Variants in PRSS12 observed in about 807,000 individuals in gnomAD.
PRSS12 encodes serine protease 12.
In PRSS12, 85 loss-of-function variants were observed where a neutral mutation model predicts 104.4. The observed-to-expected ratio is 0.81, with a 90% CI of 0.68 to 0.98. The LOEUF (loss-of-function observed/expected upper bound fraction) is 0.98, where lower values mean the gene tolerates loss of function less well. Among genes scored for constraint, PRSS12 ranks in the 50% least tolerant of loss-of-function variants. The pLI is 0.00. For synonymous variants in PRSS12, 454 were observed against 425.2 expected, an observed-to-expected ratio of 1.07 and a Z score of -0.83; for missense variants, 1,141 against 1,139.2, an observed-to-expected ratio of 1.00 and a Z score of -0.02.
At position 118,293,386 on chromosome 4, in the gene PRSS12, G is replaced by T. The variant is rs114260106; in HGVS notation, c.2039+1553C>A. ...GAATATCTTCACCAAATGGGGCAAA[G>T]ATTTTTTAAATAAGAAATACAAAGC... is the stretch of plus-strand genomic sequence containing the variant. On this transcript the variant is annotated intron_variant, in intron 11 of 12. Coordinates refer to ENST00000296498, the MANE Select transcript of PRSS12 (RefSeq NM_003619.4). Among the ~76,000 whole-genome samples the T allele has an allele frequency of 8.1e-3, 1,231 of 152,098 alleles. 6 individuals carry two copies. The highest frequency in any genetic ancestry group is 0.014 in the Non-Finnish European group (935 of 67,960).
Position 118,298,923 on chromosome 4 carries a change from T to C in PRSS12, c.1647A>G (p.Ala549=). 6.2e-7 allele frequency: 1 copy of C among 1,614,196 alleles called. No individual in the cohort carries two copies. Among genetic ancestry groups the C allele is most frequent in the East Asian group, 2.2e-5 (1 of 44,878 alleles). Residue 549 remains alanine (A), a synonymous_variant, in exon 9 of 13, where the codon GCA becomes GCG. Coordinates refer to ENST00000296498, the MANE Select transcript of PRSS12 (RefSeq NM_003619.4). ...CTTCTCCAAAGTAAGCCATGGTTCTTGCTCTGGCAGGACCCCTGAAGACAG... is the reference window on the plus strand; with the variant it reads ...CTTCTCCAAAGTAAGCCATGGTTCTCGCTCTGGCAGGACCCCTGAAGACAG... The part of the protein sequence containing the change: ...RQLGYKGPAR[A]RTMAYFGEGK...
chr4:118,329,879 A>G lies in PRSS12; in HGVS notation c.971+1837T>C, dbSNP rs563682627. Among the ~76,000 whole-genome samples the G allele has an allele frequency of 7.8e-4, 118 of 152,230 alleles. 1 individual carries two copies. The highest frequency in any genetic ancestry group is 4.1e-4 in the Non-Finnish European group (28 of 68,044). On this transcript the variant is annotated intron_variant, in intron 4 of 12. Coordinates refer to ENST00000296498, the MANE Select transcript of PRSS12 (RefSeq NM_003619.4). ...ATCCAGAACACACGCCCATAATCAT[A>G]TGCTATGCTGACTCCAACAGCAGGC...
At position 118,315,428 on chromosome 4, in the gene PRSS12, T is replaced by C. The variant is rs3828501; in HGVS notation, c.1292+754A>G. ...TGAATGAAGCTATGTTTTTAAAGTGTAGTGAATATCTTCAGTCAGCTCTAA... is the reference window on the plus strand; with the variant it reads ...TGAATGAAGCTATGTTTTTAAAGTGCAGTGAATATCTTCAGTCAGCTCTAA... On this transcript the variant is annotated intron_variant, in intron 6 of 12. Coordinates refer to ENST00000296498, the MANE Select transcript of PRSS12 (RefSeq NM_003619.4). 5.3e-4 allele frequency among the ~76,000 whole-genome samples: 80 copies of C among 152,306 alleles called. No homozygotes were observed. In the East Asian group the frequency reaches 0.014, roughly 27 times the overall value.
chr4:118,348,734 C>T (rs1178559908), intron 1 of PRSS12, among the ~76,000 whole-genome samples: 1 of 152,040 alleles, frequency 6.6e-6, no homozygotes, highest in East Asian at 1.9e-4. Context: ...TCACTACAAC[C>T]TCTGCCTCCC....
rs949029105 is a variant in PRSS12, at chr4:118,282,867, C to T, written c.2284G>A (p.Ala762Thr). The change falls in exon 12 of 13, where the codon GCA (alanine) becomes ACA (threonine). Residue 762 changes from alanine to threonine, a missense_variant. Physicochemically the swap from Ala to Thr is moderately conservative, Grantham distance 58. Transcript: ENST00000296498. ...CATCCTGTTATGTAACAGTTGGATG[C>T]TGTTTTCTGTGGCCTCTCTCTCCAG... ...PLWRERPQKT[A>T]SNCYITGWGD... 6.2e-7 allele frequency: 1 copy of T among 1,614,088 alleles called. No homozygotes were observed. Among genetic ancestry groups the T allele is most frequent in the African/African-American group, 1.3e-5 (1 of 74,928 alleles).
intron 11 of PRSS12, among the ~76,000 whole-genome samples, chr4:118,287,511 C>T (rs899836316): frequency 2.6e-5 from 4 of 152,178 alleles, no homozygotes; most frequent in Admixed American, 2.0e-4. Flanking sequence ...CATGGAGTCT[C>T]ACACTCCTTT....
rs141716652 is a variant in PRSS12, at chr4:118,282,084, C to T, written c.2480G>A (p.Gly827Glu). The change falls in exon 13 of 13, where the codon GGA becomes GAA. Residue 827 changes from glycine (G) to glutamate (E), a missense_variant. Coordinates refer to ENST00000296498, the MANE Select transcript of PRSS12 (RefSeq NM_003619.4). ...RVDSCQGDSG[G>E]PLMCERPGES... Reference sequence around the variant, plus strand: ...TCCGGGCCGTTCACACATGAGTGGTCCTCCGCTGTCTCCCTGGCAGCTGTC... The same window carrying T: ...TCCGGGCCGTTCACACATGAGTGGTTCTCCGCTGTCTCCCTGGCAGCTGTC... 4 of 1,614,150 alleles carry T rather than the reference C, an allele frequency of 2.5e-6. No homozygotes were observed. The highest frequency in any genetic ancestry group is 2.7e-5 in the African/African-American group (2 of 75,014).
At chr4:118,303,760 C>T (rs1578911024) in intron 8 of PRSS12, 1 of 152,040 alleles carries the variant, frequency 6.6e-6, no homozygotes, top group Non-Finnish European at 1.5e-5. Flanking sequence ...TAAAAATAAT[C>T]TTGCTGCTAT....
chr4:118,305,101 T>TTA lies in PRSS12; in HGVS notation c.1631+3333_1631+3334dup, dbSNP rs35049135. On this transcript the variant is annotated intron_variant, in intron 8 of 12. Coordinates refer to ENST00000296498, the MANE Select transcript of PRSS12 (RefSeq NM_003619.4). ...CACTAGTCACATACCTGTTTATAAT[T>TTA]TATATATATATATATATATACACAC... 8.7e-3 allele frequency among the ~76,000 whole-genome samples: 1,275 copies of TTA among 146,822 alleles called. 15 individuals are homozygous for TTA. Among genetic ancestry groups the TTA allele is most frequent in the African/African-American group, 0.028 (1,122 of 40,212 alleles).
chr4:118,326,372 T>C (rs1409015169), intron 4 of PRSS12, among the ~76,000 whole-genome samples: 1 of 152,224 alleles, frequency 6.6e-6, no homozygotes, highest in Non-Finnish European at 1.5e-5. Context: ...ACTAACTAAT[T>C]TCTTCCTCCC....
intron 6 of PRSS12, among the ~76,000 whole-genome samples, chr4:118,313,694 A>T (rs1193010854): frequency 1.3e-5 from 2 of 152,182 alleles, no homozygotes; most frequent in African/African-American, 2.4e-5. Context: ...CAAAGAGATC[A>T]ATCTCAAATT....
rs1560761490 is a variant in PRSS12 at position 118,282,178 on chromosome 4, C to G, written c.2386G>C (p.Glu796Gln). Reference sequence around the variant, plus strand: ...CCTGTAAACCGACCCTTATAACGTTCTTCACAAAACCTTTTAGGAAGTAAG... The same window carrying G: ...CCTGTAAACCGACCCTTATAACGTTGTTCACAAAACCTTTTAGGAAGTAAG... ...IPLLPKRFCE[E>Q]RYKGRFTGRM... The change falls in exon 13 of 13, where the codon GAA (glutamate) becomes CAA (glutamine). Residue 796 changes from glutamate (E) to glutamine (Q), a missense_variant. Coordinates refer to ENST00000296498, the MANE Select transcript of PRSS12 (RefSeq NM_003619.4). The G allele has an allele frequency of 6.2e-7, 1 of 1,614,200 alleles. No individual in the cohort carries two copies. The highest frequency in any genetic ancestry group is 1.1e-5 in the South Asian group (1 of 91,082).
chr4:118,286,401 C>T (rs796614907), intron 11 of PRSS12, among the ~76,000 whole-genome samples: 2 of 152,270 alleles, frequency 1.3e-5, no homozygotes, highest in African/African-American at 4.8e-5. Flanking sequence ...CTCATCCCCT[C>T]TATCCTAATA....
intron 8 of PRSS12, among the ~76,000 whole-genome samples, chr4:118,307,909 A>C (rs1215034421): frequency 6.6e-6 from 1 of 152,196 alleles, no homozygotes; most frequent in Non-Finnish European, 1.5e-5. Flanking sequence ...AAAAAAAAAA[A>C]AATTGGCACC....
chr4:118,313,569 C>T (rs571683783), intron 6 of PRSS12, among the ~76,000 whole-genome samples, 172 bp from the exon 7 acceptor site: 1 of 152,286 alleles, frequency 6.6e-6, no homozygotes, highest in South Asian at 2.1e-4. Flanking sequence ...CAGCCCATCA[C>T]ATGTTTTAAT....
At chr4:118,340,200 G>C (rs1295426260) in intron 1 of PRSS12, among the ~76,000 whole-genome samples, 1 of 152,166 alleles carries the variant, frequency 6.6e-6, no homozygotes, top group Non-Finnish European at 1.5e-5. Flanking sequence ...ATAGTTTCCA[G>C]GTCAACTATC....
chr4:118,299,548 C>G (rs11726334), intron 8 of PRSS12, among the ~76,000 whole-genome samples: 1 of 151,590 alleles, frequency 6.6e-6, no homozygotes, highest in Non-Finnish European at 1.5e-5. Context: ...GGCATGGTGG[C>G]ACGTGCTTGT....
Position 118,306,258 on chromosome 4 carries a change from T to C in PRSS12, c.1631+2178A>G, listed in dbSNP as rs528539073. Among the ~76,000 whole-genome samples, 151 of 152,348 alleles carry C rather than the reference T, an allele frequency of 9.9e-4. 1 individual carries two copies. The highest frequency in any genetic ancestry group is 3.4e-3 in the African/African-American group (141 of 41,594). Reference sequence around the variant, plus strand: ...TTGTTATCCTTTGTTGTTTTGACCATAGCCATTCTAACATGAGGCTAAATT... The same window carrying C: ...TTGTTATCCTTTGTTGTTTTGACCACAGCCATTCTAACATGAGGCTAAATT... On this transcript the variant is annotated intron_variant, in intron 8 of 12. Coordinates refer to ENST00000296498, the MANE Select transcript of PRSS12 (RefSeq NM_003619.4).
At chr4:118,313,067 T>C (rs1466717000) in intron 7 of PRSS12, 134 bp downstream of exon 7, 1 of 963,834 alleles carries the variant, frequency 1.0e-6, no homozygotes, top group Non-Finnish European at 1.5e-6. Flanking sequence ...TAAAAATTAC[T>C]GAAAATTAGA....
Sources: allele counts gnomAD v4.1 joint callset (sites outside exome capture counted in the v4.1 genomes callset), GRCh38; gene constraint gnomAD v4.1.1; transcripts MANE v1.5; gene names NCBI Gene and HGNC (gene_info 2026-07-23, HGNC 2026-07-21).